Variants in OPCML observed in about 807,000 individuals in gnomAD.
The protein encoded by OPCML is opioid binding protein/cell adhesion molecule like.
A neutral mutation model predicts 37.8 loss-of-function variants in OPCML; 13 were observed. The ratio of observed to expected loss-of-function variants is 0.34; its 90% CI spans 0.22 to 0.55. The LOEUF is 0.55. OPCML is among the 20% of genes least tolerant of loss of function. The probability of loss-of-function intolerance (pLI) is 0.91; values close to 1 mark genes in which losing one functional copy is unlikely to be tolerated. For synonymous variants in OPCML, 176 were observed against 168.8 expected (o/e 1.04, Z -0.33); for missense variants, 341 against 435.6 (o/e 0.78, Z 1.93).
At chr11:133,306,346 G>T (rs1942916541) in intron 1 of OPCML, among the ~76,000 whole-genome samples, 2 of 152,146 alleles carry the variant, frequency 1.3e-5, no homozygotes, top group Admixed American at 1.3e-4. Context: ...CAGAAGCAAT[G>T]CAAAATATCA....
intron 1 of OPCML, among the ~76,000 whole-genome samples, chr11:133,108,483 C>T (rs568382291): frequency 6.6e-6 from 1 of 152,270 alleles, no homozygotes; most frequent in East Asian, 1.9e-4. Context: ...CCCCTGAAGT[C>T]TCCTGACCTG....
intron 1 of OPCML, among the ~76,000 whole-genome samples, chr11:133,352,483 T>C (rs1430501497): frequency 6.6e-6 from 1 of 152,250 alleles, no homozygotes; most frequent in Non-Finnish European, 1.5e-5. Context: ...TCAGCAACTT[T>C]TTGTATCACT....
chr11:132,619,528 A>C (rs542235622), intron 3 of OPCML, among the ~76,000 whole-genome samples: 7 of 152,162 alleles, frequency 4.6e-5, no homozygotes, highest in Admixed American at 4.6e-4. Flanking sequence ...ATAAAGGAGC[A>C]TGAAAGCATT....
intron 4 of OPCML, among the ~76,000 whole-genome samples, chr11:132,452,728 C>G (rs2096071849): frequency 6.6e-6 from 1 of 152,092 alleles, no homozygotes; most frequent in Admixed American, 6.5e-5. Context: ...AAGCCTACCA[C>G]TAAGGACTAA....
rs533729994 is a variant in OPCML, at chr11:132,956,964, C to T, written c.62-13954G>A. Among the ~76,000 whole-genome samples, 60 of 152,304 alleles carry T rather than the reference C, an allele frequency of 3.9e-4. 1 individual carries two copies. The highest frequency in any genetic ancestry group is 1.4e-3 in the Admixed American group (22 of 15,308). ...TGGGCAACATAGCAAGATCCTATCTCTACGAAAATTTTAAAAAACAGGCAG... is the reference window on the plus strand; with the variant it reads ...TGGGCAACATAGCAAGATCCTATCTTTACGAAAATTTTAAAAAACAGGCAG... On this transcript the variant is annotated intron_variant, in intron 1 of 7. Transcript: ENST00000524381.
In OPCML at chr11:132,667,315, G is replaced by A. The variant is rs1007943260; in HGVS notation, c.147-9996C>T. The stretch of plus-strand genomic sequence containing the variant: ...TTTTGTTAGCCTGCATATCACCTGT[G>A]CATCTTAATTCACTAAATCCGAGTG... On this transcript the variant is annotated intron_variant, in intron 2 of 7. Coordinates refer to ENST00000524381, the MANE Select transcript of OPCML (RefSeq NM_001012393.5). 3.3e-5 allele frequency among the ~76,000 whole-genome samples: 5 copies of A among 152,174 alleles called. No homozygotes were observed. The East Asian group carries it at 7.7e-4, about 23-fold the overall frequency.
At chr11:132,791,914 G>A (rs965509899) in intron 2 of OPCML, among the ~76,000 whole-genome samples, 1 of 152,172 alleles carries the variant, frequency 6.6e-6, no homozygotes, top group Non-Finnish European at 1.5e-5. Flanking sequence ...CTCAGTGCTG[G>A]CTGGTGGTGA....
At chr11:132,587,109 C>G (rs2096474543) in intron 3 of OPCML, among the ~76,000 whole-genome samples, 1 of 152,130 alleles carries the variant, frequency 6.6e-6, no homozygotes, top group African/African-American at 2.4e-5. Context: ...GAGGCATAAG[C>G]CAAATGACCA....
intron 4 of OPCML, among the ~76,000 whole-genome samples, chr11:132,477,753 A>C (rs2096162214): frequency 6.6e-6 from 1 of 152,210 alleles, no homozygotes; most frequent in African/African-American, 2.4e-5. Context: ...TAATGCCCAA[A>C]GACAGGGAAC....
chr11:133,282,795 C>T (rs1329831644), intron 1 of OPCML, among the ~76,000 whole-genome samples: 2 of 152,190 alleles, frequency 1.3e-5, no homozygotes, highest in African/African-American at 4.8e-5. Context: ...TTGAAGCCCA[C>T]CCATTGTACC....
At chr11:132,510,053 G>A (rs754155047) in intron 4 of OPCML, among the ~76,000 whole-genome samples, 5 of 152,226 alleles carry the variant, frequency 3.3e-5, no homozygotes, top group Admixed American at 6.5e-5. Flanking sequence ...AAGACCATGG[G>A]AACCCACCTC....
intron 1 of OPCML, among the ~76,000 whole-genome samples, chr11:133,232,779 G>A (rs1039167838): frequency 6.6e-6 from 1 of 152,106 alleles, no homozygotes; most frequent in Non-Finnish European, 1.5e-5. Context: ...GGAAAGAGGA[G>A]GGGAAAAGCG....
At chr11:133,343,711 C>G (rs1473873798) in intron 1 of OPCML, among the ~76,000 whole-genome samples, 2 of 152,100 alleles carry the variant, frequency 1.3e-5, no homozygotes, top group East Asian at 3.9e-4. Flanking sequence ...GGATTTAATA[C>G]CAATCATGGA....
chr11:133,035,883 A>G (rs1591935756), intron 1 of OPCML, among the ~76,000 whole-genome samples: 1 of 150,886 alleles, frequency 6.6e-6, no homozygotes, highest in African/African-American at 2.5e-5. Flanking sequence ...CGGCACAGAC[A>G]ACACCGCAAG....
At chr11:132,448,904 T>G (rs952738596) in intron 4 of OPCML, among the ~76,000 whole-genome samples, 2 of 152,210 alleles carry the variant, frequency 1.3e-5, no homozygotes, top group Non-Finnish European at 2.9e-5. Context: ...TCAGATGACC[T>G]CCAAGGTCAC....
intron 2 of OPCML, among the ~76,000 whole-genome samples, chr11:132,880,502 G>C (rs1943187790): frequency 6.6e-6 from 1 of 152,236 alleles, no homozygotes; most frequent in African/African-American, 2.4e-5. Flanking sequence ...TATGAATTAA[G>C]CAGCAACTAT....
chr11:132,472,541 C>T (rs1183069613), intron 4 of OPCML, among the ~76,000 whole-genome samples: 1 of 152,196 alleles, frequency 6.6e-6, no homozygotes, highest in Non-Finnish European at 1.5e-5. Context: ...TATTTCCTAG[C>T]AGCAAAGACA....
intron 2 of OPCML, among the ~76,000 whole-genome samples, chr11:132,915,959 ATATC>A (rs2136560656): frequency 6.6e-6 from 1 of 152,292 alleles, no homozygotes; most frequent in Admixed American, 6.5e-5. Flanking sequence ...ATCTATCAAT[ATATC>A]AGTCTTTTCC....
intron 1 of OPCML, among the ~76,000 whole-genome samples, chr11:133,058,677 G>A (rs552975949): frequency 8.5e-5 from 13 of 152,300 alleles, no homozygotes; most frequent in African/African-American, 3.1e-4. Context: ...GGCTCCCCAC[G>A]CCTGGGTTTT....
Sources: gnomAD v4.1 joint callset for allele counts (sites outside exome capture counted in the v4.1 genomes callset) on GRCh38, gnomAD v4.1.1 for gene constraint, MANE v1.5 for transcripts, NCBI Gene and HGNC (gene_info 2026-07-23, HGNC 2026-07-21) for gene names.